Variants in LINGO2 observed in about 807,000 individuals in gnomAD.
LINGO2 encodes leucine-rich repeat and immunoglobulin-like domain-containing nogo receptor-interacting protein 2.
In LINGO2, 14 loss-of-function variants were observed where a neutral mutation model predicts 30.6. The ratio of observed to expected loss-of-function variants is 0.46; its 90% confidence interval spans 0.30 to 0.72. LINGO2 has a LOEUF of 0.72. LINGO2 is among the 30% of genes least tolerant of loss of function. The probability of loss-of-function intolerance (pLI) is 0.07; values close to 1 mark genes in which losing one functional copy is unlikely to be tolerated. For missense variants in LINGO2, 729 were observed against 751.7 expected, an observed-to-expected ratio of 0.97 and a Z score of 0.35; for synonymous variants, 317 against 288.5, an observed-to-expected ratio of 1.10 and a Z score of -1.00.
At chr9:28,866,972 T>C in the LINGO2 span, among the ~76,000 whole-genome samples, 1 of 152,130 alleles carries the variant, frequency 6.6e-6, no homozygotes, top group Non-Finnish European at 1.5e-5. Context: ...CTTACATTTT[T>C]CAACCCACAC....
At chr9:28,927,679 C>T in the LINGO2 span, among the ~76,000 whole-genome samples, 2 of 152,056 alleles carry the variant, frequency 1.3e-5, no homozygotes, top group African/African-American at 2.4e-5. Context: ...TTCCTTTTAC[C>T]CTTATCTCAT....
intron 4 of LINGO2, among the ~76,000 whole-genome samples, chr9:28,058,455 A>T (rs1391139484): frequency 6.6e-6 from 1 of 152,138 alleles, no homozygotes; most frequent in Non-Finnish European, 1.5e-5. Flanking sequence ...AAATGACATA[A>T]CTCATTCTTT....
upstream of LINGO2, among the ~76,000 whole-genome samples, chr9:28,672,161 C>T (rs1419537438): frequency 6.6e-6 from 1 of 151,940 alleles, no homozygotes; most frequent in African/African-American, 2.4e-5. Flanking sequence ...AAGTGGCAAC[C>T]ACTTTTAGCA....
At chr9:28,069,220 G>C (rs1825401765) in intron 4 of LINGO2, among the ~76,000 whole-genome samples, 2 of 152,068 alleles carry the variant, frequency 1.3e-5, no homozygotes, top group Admixed American at 6.6e-5. Flanking sequence ...GAGAGATTAA[G>C]GGTTCGATAG....
intron 4 of LINGO2, among the ~76,000 whole-genome samples, chr9:28,260,228 G>T (rs1435631568): frequency 3.3e-5 from 5 of 150,704 alleles, no homozygotes. Flanking sequence ...GTGGACAAAT[G>T]ATGACTTGTA....
At chr9:28,547,434 G>A (rs1402722135) in intron 1 of LINGO2, among the ~76,000 whole-genome samples, 1 of 152,026 alleles carries the variant, frequency 6.6e-6, no homozygotes, top group Non-Finnish European at 1.5e-5. Flanking sequence ...AACAGCAGGG[G>A]AAAAACTGCC....
chr9:28,901,373 G>C, the LINGO2 span, among the ~76,000 whole-genome samples: 1 of 152,120 alleles, frequency 6.6e-6, no homozygotes, highest in Non-Finnish European at 1.5e-5. Context: ...ACATATTAAA[G>C]TATAAAACTC....
intron 1 of LINGO2, among the ~76,000 whole-genome samples, chr9:28,510,682 ATGTG>A (rs55645356): frequency 0.74 from 111,371 of 150,272 alleles, 42,101 homozygotes; most frequent in Middle Eastern, 0.83. Context: ...CTGTATATAT[ATGTG>A]TGTGTGTGTG....
intron 5 of LINGO2, among the ~76,000 whole-genome samples, chr9:27,992,585 G>T (rs1012811514): frequency 6.6e-6 from 1 of 151,966 alleles, no homozygotes; most frequent in Non-Finnish European, 1.5e-5. Flanking sequence ...ACAGAGGAGG[G>T]AGTGATCAAT....
intron 1 of LINGO2, among the ~76,000 whole-genome samples, chr9:28,580,170 G>C (rs2135645483): frequency 6.6e-6 from 1 of 152,166 alleles, no homozygotes; most frequent in East Asian, 1.9e-4. Context: ...GGAGAGATGG[G>C]TCTTGGGCTA....
the LINGO2 span, among the ~76,000 whole-genome samples, chr9:28,885,435 A>C: frequency 7.4e-6 from 1 of 134,364 alleles, no homozygotes; most frequent in Non-Finnish European, 1.6e-5. Context: ...ACACATATAC[A>C]TATATATACA....
the LINGO2 span, among the ~76,000 whole-genome samples, chr9:28,838,265 A>G: frequency 5.9e-5 from 9 of 152,268 alleles, no homozygotes; most frequent in African/African-American, 2.2e-4. Flanking sequence ...CATGAAAGAA[A>G]TTGGCCAAAA....
At chr9:28,803,648 A>C in the LINGO2 span, among the ~76,000 whole-genome samples, 1 of 152,006 alleles carries the variant, frequency 6.6e-6, no homozygotes, top group Non-Finnish European at 1.5e-5. Context: ...AATACCAGGC[A>C]TGATAAAACT....
At chr9:28,179,549 A>G (rs2133703182) in intron 4 of LINGO2, among the ~76,000 whole-genome samples, 1 of 129,682 alleles carries the variant, frequency 7.7e-6, no homozygotes, top group South Asian at 2.5e-4. Flanking sequence ...GTTTTTTACT[A>G]TATATACTAT....
chr9:29,077,577 T>C, the LINGO2 span, among the ~76,000 whole-genome samples: 3 of 149,678 alleles, frequency 2.0e-5, no homozygotes, highest in Non-Finnish European at 4.5e-5. Context: ...AGCTTAAATA[T>C]AAAACAAAGC....
At chr9:28,735,699 A>G in the LINGO2 span, among the ~76,000 whole-genome samples, 1 of 152,142 alleles carries the variant, frequency 6.6e-6, no homozygotes. Context: ...GGAAAAATCT[A>G]TGATCTATAA....
chr9:29,060,028 T>G, the LINGO2 span, among the ~76,000 whole-genome samples: 1 of 152,190 alleles, frequency 6.6e-6, no homozygotes. Context: ...AACTGAAAAT[T>G]TAACAAAAGC....
intron 1 of LINGO2, among the ~76,000 whole-genome samples, chr9:28,579,210 TGA>T (rs1487414174): frequency 1.3e-5 from 2 of 152,092 alleles, no homozygotes; most frequent in African/African-American, 4.8e-5. Flanking sequence ...TCATCAATTG[TGA>T]GTTTTCTTTT....
chr9:28,876,599 C>T, the LINGO2 span, among the ~76,000 whole-genome samples: 1 of 152,124 alleles, frequency 6.6e-6, no homozygotes, highest in African/African-American at 2.4e-5. Context: ...TTTATGGCTG[C>T]ATAGTATTCC....
Sources: gnomAD v4.1 joint callset for allele counts (sites outside exome capture counted in the v4.1 genomes callset) on GRCh38, gnomAD v4.1.1 for gene constraint, MANE v1.5 for transcripts, NCBI Gene and HGNC (gene_info 2026-07-23, HGNC 2026-07-21) for gene names.